The following DENND1A variants were observed in gnomAD, a reference collection of about 807,000 sequenced individuals.
The protein encoded by DENND1A is DENN domain-containing protein 1A.
A neutral mutation model predicts 113.7 loss-of-function variants in DENND1A; 51 were observed. The ratio of observed to expected loss-of-function variants is 0.45; its 90% CI spans 0.36 to 0.57. DENND1A has a LOEUF of 0.57. DENND1A is among the 20% of genes least tolerant of loss of function. DENND1A has a pLI of 0.00. For synonymous variants in DENND1A, 565 were observed against 570.8 expected, an observed-to-expected ratio of 0.99 and a Z score of 0.14; for missense variants, 1,258 against 1,395.9, an observed-to-expected ratio of 0.90 and a Z score of 1.57.
chr9:123,773,796 A>G (rs1181821374), intron 3 of DENND1A, among the ~76,000 whole-genome samples: 1 of 152,216 alleles, frequency 6.6e-6, no homozygotes, highest in Admixed American at 6.5e-5. Context: ...CAGAGTGATT[A>G]TAGTGTCCAC....
At chr9:123,626,450 TCTC>T (rs1273634179) in intron 10 of DENND1A, among the ~76,000 whole-genome samples, 1 of 151,922 alleles carries the variant, frequency 6.6e-6, no homozygotes, top group East Asian at 1.9e-4. Flanking sequence ...CTTTCTACCT[TCTC>T]CTGCTTTTTC....
intron 19 of DENND1A, 191 bp downstream of exon 19, chr9:123,440,169 T>C: frequency 1.5e-6 from 1 of 652,762 alleles, no homozygotes; most frequent in Non-Finnish European, 2.4e-6. Flanking sequence ...TGCTGTCTCC[T>C]CAAAATTTTT....
At chr9:123,722,595 T>C (rs2067418812) in intron 5 of DENND1A, among the ~76,000 whole-genome samples, 1 of 152,204 alleles carries the variant, frequency 6.6e-6, no homozygotes. Flanking sequence ...CTTGGTGACC[T>C]GTGTCCCAGT....
At chr9:123,818,137 G>T (rs1387771376) in intron 2 of DENND1A, among the ~76,000 whole-genome samples, 1 of 152,006 alleles carries the variant, frequency 6.6e-6, no homozygotes, top group African/African-American at 2.4e-5. Flanking sequence ...GAGTCTCGCT[G>T]TCGCCCAGGC....
chr9:123,540,665 T>C (rs1289678131), intron 13 of DENND1A, among the ~76,000 whole-genome samples: 3 of 152,226 alleles, frequency 2.0e-5, no homozygotes, highest in Non-Finnish European at 4.4e-5. Context: ...AGATGCTTTC[T>C]GCATCAAGAC....
intron 9 of DENND1A, among the ~76,000 whole-genome samples, chr9:123,650,128 T>C (rs554929426): frequency 1.3e-5 from 2 of 152,302 alleles, no homozygotes; most frequent in African/African-American, 4.8e-5. Flanking sequence ...ATAGATGTGG[T>C]TGACAATATT....
intron 19 of DENND1A, among the ~76,000 whole-genome samples, chr9:123,423,112 C>T (rs1373568925): frequency 6.6e-6 from 1 of 152,218 alleles, no homozygotes; most frequent in Non-Finnish European, 1.5e-5. Flanking sequence ...TCAGCTGCTT[C>T]TTCCAAGCTC....
At chr9:123,779,673 T>A (rs1230863139) in intron 3 of DENND1A, among the ~76,000 whole-genome samples, 1 of 152,034 alleles carries the variant, frequency 6.6e-6, no homozygotes, top group Non-Finnish European at 1.5e-5. Flanking sequence ...CTAATTTTTG[T>A]ATTTTTGGTA....
intron 11 of DENND1A, among the ~76,000 whole-genome samples, chr9:123,600,751 A>C (rs773516601): frequency 6.6e-6 from 1 of 151,934 alleles, no homozygotes; most frequent in Non-Finnish European, 1.5e-5. Flanking sequence ...GAATCGCTTG[A>C]ACCCAGGAGG....
chr9:123,701,556 C>T (rs985982134), intron 5 of DENND1A, among the ~76,000 whole-genome samples: 2 of 152,176 alleles, frequency 1.3e-5, no homozygotes, highest in Admixed American at 1.3e-4. Flanking sequence ...AGCTTCTAGA[C>T]CCACCCCAGC....
At chr9:123,393,538 T>TAA (rs556159877) in intron 21 of DENND1A, among the ~76,000 whole-genome samples, 31 of 131,736 alleles carry the variant, frequency 2.4e-4, no homozygotes, top group East Asian at 6.4e-4. Flanking sequence ...CTTAAAAAAA[T>TAA]AAAAAAAAAA....
chr9:123,816,090 T>C (rs532151292), intron 2 of DENND1A, among the ~76,000 whole-genome samples: 2 of 142,652 alleles, frequency 1.4e-5, no homozygotes, highest in Non-Finnish European at 3.0e-5. Flanking sequence ...AACCTCGACC[T>C]CCTGGGCTCA....
intron 12 of DENND1A, among the ~76,000 whole-genome samples, chr9:123,567,698 A>G (rs1046125064): frequency 4.6e-5 from 7 of 152,354 alleles, no homozygotes; most frequent in African/African-American, 1.7e-4. Context: ...ATGTCTCACA[A>G]TGACTCTGGC....
intron 5 of DENND1A, among the ~76,000 whole-genome samples, chr9:123,728,999 G>A (rs186494081): frequency 1.8e-3 from 268 of 152,236 alleles, no homozygotes; most frequent in African/African-American, 6.1e-3. Context: ...CACATAAACA[G>A]AACCAATGAC....
chr9:123,471,035 G>A (rs908842478), intron 13 of DENND1A, among the ~76,000 whole-genome samples: 13 of 152,070 alleles, frequency 8.5e-5, no homozygotes, highest in African/African-American at 3.1e-4. Flanking sequence ...CCTAGGCCTC[G>A]GTTTCTTCCT....
intron 5 of DENND1A, among the ~76,000 whole-genome samples, chr9:123,750,317 T>C (rs898075360): frequency 1.3e-5 from 2 of 152,364 alleles, no homozygotes; most frequent in East Asian, 1.9e-4. Flanking sequence ...GGCATCTGTA[T>C]GGCAATAAAA....
At chr9:123,782,182 G>A (rs1280553277) in intron 3 of DENND1A, among the ~76,000 whole-genome samples, 2 of 152,176 alleles carry the variant, frequency 1.3e-5, no homozygotes, top group Non-Finnish European at 2.9e-5. Flanking sequence ...CATTAAATCT[G>A]AAAGCTATTT....
chr9:123,444,525 A>G (rs1378395119), intron 18 of DENND1A, among the ~76,000 whole-genome samples: 2 of 152,172 alleles, frequency 1.3e-5, no homozygotes, highest in Non-Finnish European at 2.9e-5. Context: ...ATGGTGGCGG[A>G]CGCCTGTAAT....
At chr9:123,660,276 AAAC>A (rs2063165048) in intron 8 of DENND1A, among the ~76,000 whole-genome samples, 1 of 152,204 alleles carries the variant, frequency 6.6e-6, no homozygotes, top group Admixed American at 6.5e-5. Flanking sequence ...GCTTAGAAAC[AAAC>A]AACGCTAGCC....
Sources: allele counts gnomAD v4.1 joint callset (sites outside exome capture counted in the v4.1 genomes callset), GRCh38; gene constraint gnomAD v4.1.1; transcripts MANE v1.5; gene names NCBI Gene and HGNC (gene_info 2026-07-23, HGNC 2026-07-21).